Variants in NLRP14 observed in about 807,000 individuals in gnomAD.
NLRP14 encodes NACHT, LRR and PYD domains-containing protein 14.
A neutral mutation model predicts 94.7 loss-of-function variants in NLRP14; 105 were observed. That is an observed-to-expected ratio of 1.11 (90% CI 0.95 to 1.30). The LOEUF (loss-of-function observed/expected upper bound fraction) is 1.30, where lower values mean the gene tolerates loss of function less well. NLRP14 is among the 50% of genes most tolerant of loss of function. The pLI, the probability that NLRP14 is intolerant of heterozygous loss-of-function variation, is 0.00. For synonymous variants in NLRP14, 508 were observed against 459.9 expected (o/e 1.10, Z -1.34); for missense variants, 1,362 against 1,254.1 (o/e 1.09, Z -1.30).
chr11:7,039,954 G>A, intron 3 of NLRP14, among the ~76,000 whole-genome samples, 169 bp downstream of exon 3: 1 of 152,198 alleles, frequency 6.6e-6, no homozygotes, highest in East Asian at 1.9e-4. Flanking sequence ...CCTGGCCAAA[G>A]TCAGAATCAG....
At chr11:7,034,766 C>G (rs1052865263) in intron 1 of NLRP14, among the ~76,000 whole-genome samples, 1 of 152,168 alleles carries the variant, frequency 6.6e-6, no homozygotes, top group Admixed American at 6.5e-5. Context: ...GCTGTTTTCT[C>G]CTCCCTGGTT....
intron 3 of NLRP14, among the ~76,000 whole-genome samples, chr11:7,041,908 C>T (rs987182811): frequency 2.0e-4 from 30 of 151,608 alleles, no homozygotes; most frequent in Admixed American, 3.3e-4. Flanking sequence ...ATTTAAGCTA[C>T]GATTCAATGT....
At chr11:7,056,515 CA>C (rs60703550) in intron 6 of NLRP14, among the ~76,000 whole-genome samples, 36,142 of 122,474 alleles carry the variant, frequency 0.3, 4,316 homozygotes, top group Middle Eastern at 0.36. Context: ...AGCACTAATA[CA>C]AAAAAAAAAA....
chr11:7,062,441 T>C lies in NLRP14; in HGVS notation c.2913T>C (p.Asp971=). ...SLDLGNNDLQ[D]DGVKILCDAL... ...ACCTTGGGAACAACGATTTGCAGGA[T>C]GATGGAGTGAAAATTCTGTGTGATG... Residue 971 remains aspartate (D), a synonymous_variant, in exon 10 of 12, where the codon GAT becomes GAC. Transcript: ENST00000299481. 1 of 1,613,278 alleles carries C rather than the reference T, an allele frequency of 6.2e-7. No homozygotes were observed. Among genetic ancestry groups the C allele is most frequent in the South Asian group, 1.1e-5 (1 of 91,076 alleles).
chr11:7,051,939 T>C (rs1852446906), intron 6 of NLRP14, among the ~76,000 whole-genome samples: 1 of 152,240 alleles, frequency 6.6e-6, no homozygotes, highest in Admixed American at 6.5e-5. Flanking sequence ...CTAATTTTCA[T>C]GAGAATGCTT....
chr11:7,033,847 T>G (rs10743000), intron 1 of NLRP14, among the ~76,000 whole-genome samples: 89,310 of 151,442 alleles, frequency 0.59, 27,055 homozygotes, highest in East Asian at 0.74. Context: ...TTGTATCATG[T>G]CCCTCACTTT....
Position 7,042,486 on chromosome 11 carries a change from A to G in NLRP14, c.460A>G (p.Ile154Val), listed in dbSNP as rs762222567. The change falls in exon 4 of 12, where the codon ATT (isoleucine) becomes GTT (valine). Residue 154 changes from isoleucine (I) to valine (V), a missense_variant. Physicochemically the swap from Ile to Val is conservative, Grantham distance 29. Transcript: ENST00000299481. Reference sequence around the variant, plus strand: ...AAAGCCTGAAGATTTCCATCATGGAATTGCAGAGAAAGATAGAAAACTGTT... The same window carrying G: ...AAAGCCTGAAGATTTCCATCATGGAGTTGCAGAGAAAGATAGAAAACTGTT... ...AGKPEDFHHG[I>V]AEKDRKLLEH... is the part of the protein sequence containing the mutation. 3 of 1,613,986 alleles carry G rather than the reference A, an allele frequency of 1.9e-6. No homozygotes were observed. Among genetic ancestry groups the G allele is most frequent in the Admixed American group, 3.3e-5 (2 of 60,012 alleles).
chr11:7,033,789 T>A (rs1158671802), intron 1 of NLRP14, among the ~76,000 whole-genome samples: 1 of 152,228 alleles, frequency 6.6e-6, no homozygotes, highest in Non-Finnish European at 1.5e-5. Context: ...CAGTCTTTCC[T>A]TGTTTTCTGA....
At chr11:7,089,955 C>A in the NLRP14 span, 44 of 1,613,094 alleles carry the variant, frequency 2.7e-5, no homozygotes, top group African/African-American at 5.6e-4. Context: ...CAGAGGCTCC[C>A]ATCGAGAGCC....
chr11:7,029,561 A>G (rs1298064653), intron 1 of NLRP14, among the ~76,000 whole-genome samples: 1 of 152,252 alleles, frequency 6.6e-6, no homozygotes, highest in African/African-American at 2.4e-5. Context: ...ACGTCCTTCC[A>G]AAACAAAAAT....
intron 1 of NLRP14, among the ~76,000 whole-genome samples, chr11:7,037,842 C>T (rs1852182631): frequency 6.6e-6 from 1 of 152,108 alleles, no homozygotes; most frequent in Non-Finnish European, 1.5e-5. Flanking sequence ...TGCCAGAGAG[C>T]AGTAAGGTCA....
At position 7,046,957 on chromosome 11, in the gene NLRP14, A is replaced by G. The variant is rs892859373; in HGVS notation, c.2123+125A>G. The G allele has an allele frequency of 3.4e-5, 27 of 788,674 alleles. No homozygotes were observed. The African/African-American group carries it at 3.6e-4, about 10-fold the overall frequency. 48.9% of individuals were successfully genotyped at this position (788,674 alleles called of 1,614,324 possible). A position where few individuals can be genotyped will look rare whatever the true frequency, so the allele number is the denominator to read the frequency against. On this transcript the variant is annotated intron_variant, in intron 5 of 11. Transcript: ENST00000299481. ...ACTTACAATCCATTTTGTAAAATAA[A>G]CAGGAACAATGGAATCCTCTGGGGA...
chr11:7,089,428 G>C, the NLRP14 span: 1 of 1,551,392 alleles, frequency 6.4e-7, no homozygotes, highest in Non-Finnish European at 8.7e-7. Context: ...CGCAGCCGCG[G>C]TCGCCCGAGG....
intron 3 of NLRP14, among the ~76,000 whole-genome samples, chr11:7,041,686 T>G (rs1852252754): frequency 6.6e-6 from 1 of 152,148 alleles, no homozygotes; most frequent in African/African-American, 2.4e-5. Flanking sequence ...ATAAAGTAAT[T>G]GTAGCTAGTG....
At chr11:7,053,771 C>A (rs1295144327) in intron 6 of NLRP14, among the ~76,000 whole-genome samples, 5 of 152,010 alleles carry the variant, frequency 3.3e-5, no homozygotes, top group Non-Finnish European at 7.4e-5. Context: ...GTATCTATCA[C>A]CTCACGCATT....
At chr11:7,020,849 C>T (rs1421174871) in intron 1 of NLRP14, 79 bp downstream of exon 1, 5 of 152,406 alleles carry the variant, frequency 3.3e-5, no homozygotes, top group African/African-American at 1.2e-4. Context: ...TCCTCCCTCC[C>T]GCCTTCTTGC....
chr11:7,049,556 A>T, intron 5 of NLRP14, 115 bp from the exon 6 acceptor site: 1 of 796,412 alleles, frequency 1.3e-6, no homozygotes, highest in South Asian at 1.6e-5. Flanking sequence ...TTTAGATGAA[A>T]ATAAGATAAA....
chr11:7,062,957 T>C (rs923554555), intron 10 of NLRP14, among the ~76,000 whole-genome samples: 2 of 152,126 alleles, frequency 1.3e-5, no homozygotes, highest in African/African-American at 4.8e-5. Flanking sequence ...AATTTTGAAC[T>C]GATATTGGCT....
chr11:7,087,992 A>G, the NLRP14 span, among the ~76,000 whole-genome samples: 1 of 152,240 alleles, frequency 6.6e-6, no homozygotes, highest in African/African-American at 2.4e-5. Flanking sequence ...CAAAAACCAG[A>G]CATAAAGACA....
Sources: allele counts gnomAD v4.1 joint callset (sites outside exome capture counted in the v4.1 genomes callset), GRCh38; gene constraint gnomAD v4.1.1; transcripts MANE v1.5; gene names NCBI Gene and HGNC (gene_info 2026-07-23, HGNC 2026-07-21).